MRTFB: variants seen among roughly 807,000 people sequenced by gnomAD.
The protein encoded by MRTFB is myocardin-related transcription factor B.
A neutral mutation model predicts 104.2 loss-of-function variants in MRTFB; 29 were observed. The observed-to-expected ratio is 0.28, with a 90% confidence interval of 0.21 to 0.38. The LOEUF is 0.38. MRTFB is among the 10% of genes least tolerant of loss of function. MRTFB has a pLI of 1.00. For missense variants in MRTFB, 1,270 were observed against 1,341.6 expected, an observed-to-expected ratio of 0.95 and a Z score of 0.83; for synonymous variants, 535 against 519.5, an observed-to-expected ratio of 1.03 and a Z score of -0.41.
intron 3 of MRTFB, among the ~76,000 whole-genome samples, chr16:14,153,431 C>A (rs2038711161): frequency 6.6e-6 from 1 of 152,044 alleles, no homozygotes; most frequent in Non-Finnish European, 1.5e-5. Context: ...CCAATGAAAC[C>A]TCTGGTTGCA....
intron 3 of MRTFB, among the ~76,000 whole-genome samples, chr16:14,165,598 T>A (rs1396593554): frequency 6.6e-6 from 1 of 152,208 alleles, no homozygotes; most frequent in Non-Finnish European, 1.5e-5. Context: ...ACTTGGTATT[T>A]TTGTACATGT....
chr16:14,237,925 G>A (rs565539968), intron 9 of MRTFB, among the ~76,000 whole-genome samples: 1 of 152,278 alleles, frequency 6.6e-6, no homozygotes, highest in African/African-American at 2.4e-5. Flanking sequence ...AATGTAACAG[G>A]ATGGCCACGT....
At chr16:14,197,426 G>A (rs778542293) in intron 3 of MRTFB, among the ~76,000 whole-genome samples, 3 of 151,742 alleles carry the variant, frequency 2.0e-5, no homozygotes, top group Non-Finnish European at 4.4e-5. Flanking sequence ...TTTTGTCTTC[G>A]TTCCTACCAT....
At chr16:14,100,242 T>C (rs1047627405) in intron 2 of MRTFB, among the ~76,000 whole-genome samples, 14 of 152,308 alleles carry the variant, frequency 9.2e-5, no homozygotes, top group African/African-American at 3.4e-4. Context: ...ATAGGTTTAT[T>C]GTGGACTCCT....
intron 3 of MRTFB, among the ~76,000 whole-genome samples, chr16:14,167,222 CATT>C (rs1275389730): frequency 1.3e-5 from 2 of 152,180 alleles, no homozygotes; most frequent in South Asian, 2.1e-4. Flanking sequence ...GATGGTTTCT[CATT>C]GTGGTTTTGA....
At chr16:14,210,546 C>G (rs1222223292) in intron 4 of MRTFB, among the ~76,000 whole-genome samples, 1 of 152,192 alleles carries the variant, frequency 6.6e-6, no homozygotes, top group Non-Finnish European at 1.5e-5. Flanking sequence ...CACCTTTACA[C>G]TGTAATTAGG....
rs767875492 is a variant in MRTFB, at chr16:14,261,007, C to A, written c.2863C>A (p.Arg955=). The change falls in exon 17 of 17, where the codon CGG becomes AGG. Residue 955 remains arginine (R), a synonymous_variant. Transcript: ENST00000571589. ...TTMPVNTVVS[R]PPPQVQMAPP... ...AATGCCAGTGAATACAGTGGTGTCCCGGCCACCACCCCAAGTCCAAATGGC... is the reference window on the plus strand; with the variant it reads ...AATGCCAGTGAATACAGTGGTGTCCAGGCCACCACCCCAAGTCCAAATGGC... The A allele has an allele frequency of 1.2e-6, 2 of 1,614,118 alleles. No homozygotes were observed. Among genetic ancestry groups the A allele is most frequent in the East Asian group, 4.5e-5 (2 of 44,888 alleles).
At chr16:14,198,519 T>G (rs552238651) in intron 3 of MRTFB, among the ~76,000 whole-genome samples, 1 of 152,246 alleles carries the variant, frequency 6.6e-6, no homozygotes, top group Non-Finnish European at 1.5e-5. Flanking sequence ...CCATGCAGTT[T>G]CCTGATTTCT....
intron 3 of MRTFB, among the ~76,000 whole-genome samples, chr16:14,190,001 A>C (rs1266676372): frequency 6.6e-6 from 1 of 152,230 alleles, no homozygotes; most frequent in Non-Finnish European, 1.5e-5. Flanking sequence ...CCTTTTGAAA[A>C]TTTAAAAGAG....
chr16:14,059,314 G>T, the MRTFB span, among the ~76,000 whole-genome samples: 1 of 152,004 alleles, frequency 6.6e-6, no homozygotes, highest in Admixed American at 6.6e-5. Flanking sequence ...CAGAAGCCTA[G>T]AACTTACTGC....
upstream of MRTFB, among the ~76,000 whole-genome samples, chr16:14,069,271 C>T (rs939405976): frequency 8.1e-5 from 12 of 148,650 alleles, no homozygotes; most frequent in African/African-American, 3.0e-4. Flanking sequence ...GCGCCCAGCC[C>T]AGGTTCTCCA....
chr16:14,043,783 G>C, the MRTFB span, among the ~76,000 whole-genome samples: 1 of 152,168 alleles, frequency 6.6e-6, no homozygotes, highest in African/African-American at 2.4e-5. Context: ...TCAATAAATG[G>C]CTCCTATGAT....
chr16:14,177,587 G>A lies in MRTFB; in HGVS notation c.155-32656G>A, dbSNP rs577539230. 1.3e-5 allele frequency among the ~76,000 whole-genome samples: 2 copies of A among 152,266 alleles called. No individual in the cohort carries two copies. Among genetic ancestry groups the A allele is most frequent in the African/African-American group, 4.8e-5 (2 of 41,542 alleles). ...GAAAACTCATTTAGGCACTTTGGGAGGCCACAGCAGGAGGATTGCTTCAGC... is the reference window on the plus strand; with the variant it reads ...GAAAACTCATTTAGGCACTTTGGGAAGCCACAGCAGGAGGATTGCTTCAGC... On this transcript the variant is annotated intron_variant, in intron 3 of 16. Coordinates refer to ENST00000571589, the MANE Select transcript of MRTFB (RefSeq NM_001308142.2). The surrounding 1 kb of genome is among the most constrained non-coding windows in gnomAD (Gnocchi z 4.7).
rs886810919 is a variant in MRTFB, at chr16:14,265,198, A to G, written c.*3754A>G. ...TTAGAGAAATGTAAAGAGAATAGCT[A>G]TTCAGTGTCTACTAGCAGAGCAACA... is the stretch of plus-strand genomic sequence containing the variant. On this transcript the variant is annotated 3_prime_UTR_variant, in exon 17 of 17. Transcript: ENST00000571589. 13 of 152,226 alleles carry G rather than the reference A, an allele frequency of 8.5e-5. 1 individual carries two copies. Among genetic ancestry groups the G allele is most frequent in the African/African-American group, 3.1e-4 (13 of 41,450 alleles). 9.4% of individuals were successfully genotyped at this position (152,226 alleles called of 1,614,324 possible).
chr16:14,228,356 C>A (rs1315695315), intron 8 of MRTFB, among the ~76,000 whole-genome samples: 2 of 152,176 alleles, frequency 1.3e-5, no homozygotes, highest in African/African-American at 4.8e-5. Flanking sequence ...TTGGGCGGAT[C>A]ACAAGGTTAG....
intron 3 of MRTFB, among the ~76,000 whole-genome samples, chr16:14,185,963 A>T (rs182250879): frequency 7.9e-5 from 12 of 152,320 alleles, no homozygotes; most frequent in Admixed American, 7.8e-4. Flanking sequence ...CATCCTTGAT[A>T]GCTCATGTAA....
At chr16:14,001,435 C>T in the MRTFB span, among the ~76,000 whole-genome samples, 1 of 152,230 alleles carries the variant, frequency 6.6e-6, no homozygotes, top group African/African-American at 2.4e-5. Flanking sequence ...CAGAAAAAGC[C>T]TCTTTGCATC....
At chr16:14,080,573 A>T (rs528333291) in intron 2 of MRTFB, among the ~76,000 whole-genome samples, 1 of 152,334 alleles carries the variant, frequency 6.6e-6, no homozygotes, top group East Asian at 1.9e-4. Flanking sequence ...CATGCTGTAC[A>T]ATAGATCTCT....
the MRTFB span, among the ~76,000 whole-genome samples, chr16:14,042,494 C>A: frequency 5.9e-5 from 9 of 152,152 alleles, no homozygotes; most frequent in African/African-American, 4.8e-5. Flanking sequence ...TGAGAACAAG[C>A]AGGATTGGAC....
Sources: gnomAD v4.1 joint callset for allele counts (sites outside exome capture counted in the v4.1 genomes callset) on GRCh38, gnomAD v4.1.1 for gene constraint, Gnocchi (gnomAD v3.1) non-coding constraint, MANE v1.5 for transcripts, NCBI Gene and HGNC (gene_info 2026-07-23, HGNC 2026-07-21) for gene names.